Variants in CADPS2 observed in about 807,000 individuals in gnomAD.
CADPS2 encodes calcium dependent secretion activator 2, also known as calcium-dependent secretion activator 2.
Under a neutral mutation model 172.5 loss-of-function variants are expected in CADPS2, and 93 were observed. The ratio of observed to expected loss-of-function variants is 0.54; its 90% CI spans 0.46 to 0.64. The LOEUF (loss-of-function observed/expected upper bound fraction) is 0.64, where lower values mean the gene tolerates loss of function less well. CADPS2 is among the 30% of genes least tolerant of loss of function. The pLI, the probability that CADPS2 is intolerant of heterozygous loss-of-function variation, is 0.00. For missense variants in CADPS2, 1,420 were observed against 1,565.9 expected (o/e 0.91, Z 1.57); for synonymous variants, 546 against 555.2 (o/e 0.98, Z 0.23).
intron 6 of CADPS2, among the ~76,000 whole-genome samples, chr7:122,595,253 A>T (rs1587693455): frequency 6.6e-6 from 1 of 152,186 alleles, no homozygotes; most frequent in Non-Finnish European, 1.5e-5. Context: ...TAGGGTTGCA[A>T]ACTATGAGGT....
At chr7:122,397,951 CT>C (rs1411336508) in intron 20 of CADPS2, among the ~76,000 whole-genome samples, 1 of 152,082 alleles carries the variant, frequency 6.6e-6, no homozygotes, top group Non-Finnish European at 1.5e-5. Context: ...AAAAAAATAA[CT>C]TTTTTCCCGA....
At chr7:122,525,707 C>G (rs989083655) in intron 8 of CADPS2, among the ~76,000 whole-genome samples, 1 of 152,140 alleles carries the variant, frequency 6.6e-6, no homozygotes, top group Non-Finnish European at 1.5e-5. Flanking sequence ...CCAGATGGTA[C>G]AGCCTACTAC....
chr7:122,514,118 T>A (rs1228591071), intron 8 of CADPS2, among the ~76,000 whole-genome samples: 1 of 152,110 alleles, frequency 6.6e-6, no homozygotes, highest in Non-Finnish European at 1.5e-5. Flanking sequence ...AGTGTGACCA[T>A]GTTGTGGAGA....
At chr7:122,477,034 A>G in intron 12 of CADPS2, among the ~76,000 whole-genome samples, 1 of 88,594 alleles carries the variant, frequency 1.1e-5, no homozygotes, top group African/African-American at 5.9e-5. Flanking sequence ...AGAGGAGAGG[A>G]GAGGAGAGGA....
intron 6 of CADPS2, among the ~76,000 whole-genome samples, chr7:122,590,052 G>A (rs772305479): frequency 6.6e-6 from 1 of 151,672 alleles, no homozygotes; most frequent in Non-Finnish European, 1.5e-5. Flanking sequence ...ATGACCAGTG[G>A]TTCAACGTGA....
intron 28 of CADPS2, among the ~76,000 whole-genome samples, chr7:122,338,612 T>C (rs1020952275): frequency 1.3e-5 from 2 of 152,182 alleles, no homozygotes; most frequent in Admixed American, 6.5e-5. Context: ...AGTACTTTTA[T>C]ATAAAAATAA....
chr7:122,630,993 G>T (rs868367287), intron 3 of CADPS2, among the ~76,000 whole-genome samples: 18 of 152,010 alleles, frequency 1.2e-4, no homozygotes, highest in Middle Eastern at 6.4e-3. Flanking sequence ...TCTCTTCACT[G>T]TGTCTAAAAT....
rs1442605570 is a variant in CADPS2 at position 122,775,997 on chromosome 7, G to T, written c.340-38929C>A. The stretch of plus-strand genomic sequence containing the variant: ...AAATTTTTTTCTAGAGAAGTTAGAT[G>T]GGCATATACTTTCTTAGGTCTACAT... On this transcript the variant is annotated intron_variant, in intron 1 of 29. Coordinates refer to ENST00000449022, the MANE Select transcript of CADPS2 (RefSeq NM_017954.11). Among the ~76,000 whole-genome samples the T allele has an allele frequency of 6.3e-4, 96 of 152,114 alleles. 1 individual carries two copies. Among genetic ancestry groups the T allele is most frequent in the Non-Finnish European group, 3.4e-4 (23 of 67,990 alleles).
chr7:122,631,112 A>C (rs2076536934), intron 3 of CADPS2, among the ~76,000 whole-genome samples: 1 of 152,200 alleles, frequency 6.6e-6, no homozygotes, highest in South Asian at 2.1e-4. Flanking sequence ...TAAAAACTAA[A>C]CCATAAGAAC....
intron 17 of CADPS2, among the ~76,000 whole-genome samples, chr7:122,435,455 A>C (rs1287294853): frequency 6.6e-6 from 1 of 152,192 alleles, no homozygotes; most frequent in Non-Finnish European, 1.5e-5. Flanking sequence ...CCACAATGAG[A>C]TATCATCTCA....
chr7:122,598,831 G>A (rs1050643092), intron 6 of CADPS2, among the ~76,000 whole-genome samples: 1 of 152,110 alleles, frequency 6.6e-6, no homozygotes, highest in Non-Finnish European at 1.5e-5. Context: ...ATACGATGTT[G>A]AATAAGACCT....
intron 1 of CADPS2, among the ~76,000 whole-genome samples, chr7:122,750,212 G>T (rs2092893262): frequency 6.6e-6 from 1 of 152,074 alleles, no homozygotes; most frequent in African/African-American, 2.4e-5. Flanking sequence ...TCAGATAGGG[G>T]TGCCAAATTA....
intron 28 of CADPS2, among the ~76,000 whole-genome samples, chr7:122,327,138 A>T (rs920797725): frequency 1.3e-5 from 2 of 152,160 alleles, no homozygotes; most frequent in African/African-American, 4.8e-5. Flanking sequence ...TCCTTAAAAA[A>T]GTAAACTTCC....
At chr7:122,532,899 G>T (rs2061904394) in intron 8 of CADPS2, among the ~76,000 whole-genome samples, 1 of 151,936 alleles carries the variant, frequency 6.6e-6, no homozygotes. Context: ...TTACAAAAAA[G>T]GAACACTAAA....
chr7:122,720,649 G>C (rs767202690), intron 2 of CADPS2, among the ~76,000 whole-genome samples: 6 of 151,472 alleles, frequency 4.0e-5, no homozygotes, highest in Admixed American at 6.6e-5. Context: ...CACACAGAGC[G>C]AGAGTGAGAG....
At chr7:122,402,512 C>T (rs1017493107) in intron 20 of CADPS2, among the ~76,000 whole-genome samples, 1 of 152,102 alleles carries the variant, frequency 6.6e-6, no homozygotes, top group African/African-American at 2.4e-5. Flanking sequence ...TATTTTTAAA[C>T]ATCGAAGCAT....
intron 1 of CADPS2, among the ~76,000 whole-genome samples, chr7:122,801,643 T>G (rs2139962304): frequency 6.6e-6 from 1 of 151,880 alleles, no homozygotes; most frequent in South Asian, 2.1e-4. Context: ...GTAAATGCAA[T>G]GAGAAAAGAA....
chr7:122,781,734 G>C (rs1172196619), intron 1 of CADPS2, among the ~76,000 whole-genome samples: 2 of 151,906 alleles, frequency 1.3e-5, no homozygotes, highest in African/African-American at 4.8e-5. Flanking sequence ...ATACTATATT[G>C]ATTGTAATGA....
intron 2 of CADPS2, chr7:122,702,815 TAAA>T: frequency 8.1e-7 from 1 of 1,236,918 alleles, no homozygotes; most frequent in Non-Finnish European, 1.1e-6. Context: ...TAGAAGAACA[TAAA>T]GAAGATAGCT....
Sources: allele counts gnomAD v4.1 joint callset (sites outside exome capture counted in the v4.1 genomes callset), GRCh38; gene constraint gnomAD v4.1.1; transcripts MANE v1.5; gene names NCBI Gene and HGNC (gene_info 2026-07-23, HGNC 2026-07-21).